Variants in RYR3 observed in about 807,000 individuals in gnomAD.
RYR3 encodes ryanodine receptor 3.
RYR3 carries 207 observed loss-of-function variants against 584.3 expected under a neutral mutation model. That is an observed-to-expected ratio of 0.35 (90% CI 0.32 to 0.40). The LOEUF (loss-of-function observed/expected upper bound fraction) is 0.40, where lower values mean the gene tolerates loss of function less well. RYR3 is among the 10% of genes least tolerant of loss of function. RYR3 has a pLI of 1.00. For missense variants in RYR3, 5,616 were observed against 6,089.2 expected, an observed-to-expected ratio of 0.92 and a Z score of 2.59; for synonymous variants, 2,416 against 2,248.5, an observed-to-expected ratio of 1.07 and a Z score of -2.11.
At chr15:33,329,235 A>G (rs1034115581) in intron 1 of RYR3, among the ~76,000 whole-genome samples, 1 of 152,186 alleles carries the variant, frequency 6.6e-6, no homozygotes, top group African/African-American at 2.4e-5. Context: ...CATATGGGTA[A>G]GAACTCGTAT....
intron 1 of RYR3, among the ~76,000 whole-genome samples, chr15:33,416,955 C>T (rs532055122): frequency 4.6e-5 from 7 of 152,064 alleles, no homozygotes; most frequent in Admixed American, 2.6e-4. Context: ...GTGTCCTTTC[C>T]CCATTGTTTA....
At chr15:33,672,228 C>A (rs2063891953) in intron 38 of RYR3, among the ~76,000 whole-genome samples, 1 of 152,196 alleles carries the variant, frequency 6.6e-6, no homozygotes, top group South Asian at 2.1e-4. Context: ...TCACTTGTCA[C>A]CTGCCTCTGT....
chr15:33,540,869 T>C lies in RYR3; in HGVS notation c.625T>C (p.Ser209Pro), dbSNP rs746548925. 1.4e-5 allele frequency: 22 copies of C among 1,611,116 alleles called. No individual in the cohort carries two copies. The highest frequency in any genetic ancestry group is 1.7e-5 in the Non-Finnish European group (20 of 1,177,414). Reference protein sequence around the residue: ...QTLWNVHPTCSGSSIEEGYLL... With the variant: ...QTLWNVHPTCPGSSIEEGYLL... ...ACTCTGGAATGTACATCCTACGTGCTCAGGAAGTAGCATCGAAGAAGGTGT... is the reference window on the plus strand; with the variant it reads ...ACTCTGGAATGTACATCCTACGTGCCCAGGAAGTAGCATCGAAGAAGGTGT... The change falls in exon 7 of 104, where the codon TCA becomes CCA. Residue 209 changes from serine (S) to proline (P), a missense_variant. By Grantham distance (74) the Ser-to-Pro change is moderately conservative (BLOSUM62 -1). This residue lies in a region of RYR3 where 1,284 missense variants were observed against 1,344.6 expected (regional missense o/e 0.95). Coordinates refer to ENST00000634891, the MANE Select transcript of RYR3 (RefSeq NM_001036.6).
Position 33,432,056 on chromosome 15 carries a change from T to G in RYR3, c.52-41363T>G, listed in dbSNP as rs2045202171. Among the ~76,000 whole-genome samples, 3 of 152,216 alleles carry G rather than the reference T, an allele frequency of 2.0e-5. No homozygotes were observed. The South Asian group carries it at 6.2e-4, about 32-fold the overall frequency. On this transcript the variant is annotated intron_variant, in intron 1 of 103. Transcript: ENST00000634891. ...CTCATTGTTTACCTTGCCTTCAGAT[T>G]TGGCTACTCACAAAATGCTGGCTCT... is the stretch of plus-strand genomic sequence containing the variant.
rs1335778624 is a variant in RYR3, at chr15:33,800,876, C to T, written c.9918+19C>T. The T allele has an allele frequency of 3.8e-6, 6 of 1,564,308 alleles. No individual in the cohort carries two copies. In the African/African-American group the frequency reaches 4.1e-5, roughly 11 times the overall value. Reference sequence around the variant, plus strand: ...ATCTCATGTAAGAACACATTTGGGCCCTGGGTTTAGAATGGTTGTGAAAGC... The same window carrying T: ...ATCTCATGTAAGAACACATTTGGGCTCTGGGTTTAGAATGGTTGTGAAAGC... On this transcript the variant is annotated intron_variant, in intron 68 of 103. Transcript: ENST00000634891.
intron 12 of RYR3, among the ~76,000 whole-genome samples, chr15:33,570,327 T>A (rs760999911): frequency 6.6e-6 from 1 of 152,150 alleles, no homozygotes; most frequent in Non-Finnish European, 1.5e-5. Flanking sequence ...CTGCACAGTT[T>A]TCTGGAAAGA....
chr15:33,791,849 A>C (rs2075180645), intron 67 of RYR3, among the ~76,000 whole-genome samples: 1 of 152,162 alleles, frequency 6.6e-6, no homozygotes, highest in Non-Finnish European at 1.5e-5. Context: ...GAAAATAGAA[A>C]GCCTAATGTG....
At chr15:33,465,963 A>G (rs1315700929) in intron 1 of RYR3, among the ~76,000 whole-genome samples, 1 of 152,200 alleles carries the variant, frequency 6.6e-6, no homozygotes, top group Non-Finnish European at 1.5e-5. Context: ...ATGTTCTGAA[A>G]TAAAGAAAAC....
Position 33,865,262 on chromosome 15 carries a change from CAACTTCCCATGA to C in RYR3, c.*39_*50del. On this transcript the variant is annotated 3_prime_UTR_variant, in exon 104 of 104. Transcript: ENST00000634891. Reference sequence around the variant, plus strand: ...AAGAAGCGCGACAATTCTGGACAGTCAACTTCCCATGAAATAAAGTCCCCTTTTTACAGTTCT... The same window carrying C: ...AAGAAGCGCGACAATTCTGGACAGTCAATAAAGTCCCCTTTTTACAGTTCT... 1 of 1,465,876 alleles carries C rather than the reference CAACTTCCCATGA, an allele frequency of 6.8e-7. No individual in the cohort carries two copies. The allele number at this position is 1,465,876 out of a possible 1,614,324, so 90.8% of individuals were successfully genotyped here. A position where few individuals can be genotyped will look rare whatever the true frequency, so the allele number is the denominator to read the frequency against.
chr15:33,327,098 T>C (rs773794516), intron 1 of RYR3, among the ~76,000 whole-genome samples: 71 of 152,106 alleles, frequency 4.7e-4, no homozygotes, highest in East Asian at 5.8e-4. Context: ...ATTTTCTTCA[T>C]GGAATGAGAG....
intron 38 of RYR3, among the ~76,000 whole-genome samples, chr15:33,679,711 C>T (rs933820182): frequency 2.0e-5 from 3 of 152,086 alleles, no homozygotes; most frequent in African/African-American, 7.2e-5. Flanking sequence ...ACTCTTGTTC[C>T]CATACCACAC....
At chr15:33,764,420 C>T (rs2072815446) in intron 60 of RYR3, among the ~76,000 whole-genome samples, 1 of 151,900 alleles carries the variant, frequency 6.6e-6, no homozygotes, top group Middle Eastern at 3.2e-3. Flanking sequence ...CACACCGGGG[C>T]CTGTCAGGAG....
intron 10 of RYR3, among the ~76,000 whole-genome samples, chr15:33,555,002 G>A (rs1478452877): frequency 2.0e-5 from 3 of 152,172 alleles, no homozygotes; most frequent in Non-Finnish European, 4.4e-5. Context: ...GAATGATTGG[G>A]ATAGATTCTC....
intron 87 of RYR3, among the ~76,000 whole-genome samples, chr15:33,835,774 G>C (rs1871331114): frequency 6.6e-6 from 1 of 152,166 alleles, no homozygotes; most frequent in South Asian, 2.1e-4. Context: ...TTTGACTCTG[G>C]CCTTACGGGA....
chr15:33,800,694 T>G (rs2075870059), intron 67 of RYR3, 76 bp from the exon 68 acceptor site: 6 of 1,009,700 alleles, frequency 5.9e-6, no homozygotes, highest in Non-Finnish European at 9.4e-6. Context: ...TCTCCAGTGC[T>G]GGTATAATTT....
chr15:33,437,183 GA>G (rs937863860), intron 1 of RYR3, among the ~76,000 whole-genome samples: 10 of 150,598 alleles, frequency 6.6e-5, no homozygotes, highest in Non-Finnish European at 8.9e-5. Flanking sequence ...GCAAAAAATA[GA>G]AAAAAAATAG....
At chr15:33,528,512 A>G (rs2054583660) in intron 3 of RYR3, among the ~76,000 whole-genome samples, 1 of 152,134 alleles carries the variant, frequency 6.6e-6, no homozygotes, top group Non-Finnish European at 1.5e-5. Flanking sequence ...CTCTGCCTTC[A>G]CCTATTTTAA....
At chr15:33,580,533 T>C (rs1183819426) in intron 13 of RYR3, among the ~76,000 whole-genome samples, 1 of 152,142 alleles carries the variant, frequency 6.6e-6, no homozygotes, top group East Asian at 1.9e-4. Flanking sequence ...CCTGAGAAGC[T>C]GGTTTAAAAG....
chr15:33,802,127 C>G, intron 69 of RYR3, 166 bp downstream of exon 69: 1 of 759,438 alleles, frequency 1.3e-6, no homozygotes, highest in South Asian at 1.4e-5. Flanking sequence ...GAAGAAACTG[C>G]TCTCAAATAA....
Sources: gnomAD v4.1 joint callset for allele counts (sites outside exome capture counted in the v4.1 genomes callset) on GRCh38, gnomAD v4.1.1 for gene constraint, gnomAD v4.1.1 regional missense constraint, MANE v1.5 for transcripts, NCBI Gene and HGNC (gene_info 2026-07-23, HGNC 2026-07-21) for gene names.